GABRG3: variants seen among roughly 807,000 people sequenced by gnomAD.
GABRG3 encodes gamma-aminobutyric acid receptor subunit gamma-3.
A neutral mutation model predicts 48.8 loss-of-function variants in GABRG3; 25 were observed. That is an observed-to-expected ratio of 0.51 (90% confidence interval 0.37 to 0.72). The LOEUF (loss-of-function observed/expected upper bound fraction) is 0.72. Among genes scored for constraint, GABRG3 ranks in the 30% least tolerant of loss-of-function variants. GABRG3 has a pLI of 0.00. For missense variants in GABRG3, 394 were observed against 577.9 expected, an observed-to-expected ratio of 0.68 and a Z score of 3.26; for synonymous variants, 227 against 217.6, an observed-to-expected ratio of 1.04 and a Z score of -0.38.
chr15:27,107,670 T>C (rs1293904338), intron 3 of GABRG3, among the ~76,000 whole-genome samples: 2 of 151,986 alleles, frequency 1.3e-5, no homozygotes, highest in Non-Finnish European at 2.9e-5. Context: ...AATCTGGGCT[T>C]TGTTGTTTTT....
rs2140627879 is a variant in GABRG3 at position 26,971,251 on chromosome 15, C to T, written c.-285C>T. 1 of 151,584 alleles carries T rather than the reference C, an allele frequency of 6.6e-6. No individual in the cohort carries two copies. Among genetic ancestry groups the T allele is most frequent in the African/African-American group, 2.4e-5 (1 of 41,328 alleles). 9.4% of individuals were successfully genotyped at this position (151,584 alleles called of 1,614,324 possible). The stretch of plus-strand genomic sequence containing the variant: ...GCTCCAGGCGGGGTGGGCGGCGCCG[C>T]GCCAGGGGGTCCCCGGCGCCCATTG... On this transcript the variant is annotated 5_prime_UTR_variant, in exon 1 of 10. Transcript: ENST00000615808.
intron 5 of GABRG3, among the ~76,000 whole-genome samples, chr15:27,473,399 G>A (rs1233890284): frequency 6.6e-5 from 10 of 152,196 alleles, no homozygotes; most frequent in Admixed American, 2.6e-4. Flanking sequence ...ACAGGGGAAA[G>A]TGCTATGTAA....
intron 5 of GABRG3, among the ~76,000 whole-genome samples, chr15:27,420,977 C>T (rs1888095634): frequency 6.6e-6 from 1 of 152,162 alleles, no homozygotes; most frequent in Non-Finnish European, 1.5e-5. Context: ...TGTTTTGTGC[C>T]ACTCGAATTT....
chr15:26,999,463 G>A (rs959511079), intron 2 of GABRG3, among the ~76,000 whole-genome samples: 6 of 152,014 alleles, frequency 3.9e-5, no homozygotes, highest in South Asian at 2.1e-4. Flanking sequence ...AAGAATCTGC[G>A]GTCATAGTTT....
chr15:27,339,887 G>C (rs28653355), intron 5 of GABRG3, among the ~76,000 whole-genome samples: 1 of 151,944 alleles, frequency 6.6e-6, no homozygotes, highest in Non-Finnish European at 1.5e-5. Context: ...GTGACCCTGC[G>C]TGACTTGTAA....
At chr15:27,390,809 C>T (rs1896198507) in intron 5 of GABRG3, among the ~76,000 whole-genome samples, 1 of 152,156 alleles carries the variant, frequency 6.6e-6, no homozygotes, top group Admixed American at 6.5e-5. Context: ...CATAATCAGG[C>T]CGGGCACGGT....
At chr15:27,167,550 A>G (rs1887419627) in intron 3 of GABRG3, among the ~76,000 whole-genome samples, 1 of 152,182 alleles carries the variant, frequency 6.6e-6, no homozygotes, top group African/African-American at 2.4e-5. Flanking sequence ...AACTAATCAG[A>G]TTTTAAAAAT....
At chr15:27,063,062 C>T (rs1244777920) in intron 3 of GABRG3, among the ~76,000 whole-genome samples, 8 of 152,210 alleles carry the variant, frequency 5.3e-5, no homozygotes, top group African/African-American at 1.7e-4. Context: ...ATGCGTTTTC[C>T]CCCCCAATGA....
In GABRG3 at chr15:27,004,428, A is replaced by G. The variant is rs1487063114; in HGVS notation, c.203-22326A>G. On this transcript the variant is annotated intron_variant, in intron 2 of 9. Transcript: ENST00000615808. ...AGGCGCTCCTCACTTCCTAGATGGG[A>G]TGGCGGCCGGGCAGAGACGCTCCCC... Among the ~76,000 whole-genome samples the G allele has an allele frequency of 3.6e-5, 5 of 139,480 alleles. No homozygotes were observed. In the East Asian group the frequency reaches 1.1e-3, roughly 32 times the overall value. The allele number at this position is 139,480 out of a possible 152,430, so 91.5% of individuals were successfully genotyped here.
chr15:26,972,446 GTC>G (rs1894865043), intron 1 of GABRG3, among the ~76,000 whole-genome samples: 1 of 152,134 alleles, frequency 6.6e-6, no homozygotes, highest in South Asian at 2.1e-4. Context: ...CTTTAATTCT[GTC>G]TCTCTGGCTG....
chr15:27,000,307 C>A lies in GABRG3; in HGVS notation c.202+23157C>A, dbSNP rs1895419622. 2.0e-5 allele frequency among the ~76,000 whole-genome samples: 3 copies of A among 152,132 alleles called. No individual in the cohort carries two copies. In the South Asian group the frequency reaches 6.2e-4, roughly 32 times the overall value. ...GGTGTATAGTTGAGTTAGTTGGAAG[C>A]AGCTTGATTCTTTGAATCTTGTGGT... On this transcript the variant is annotated intron_variant, in intron 2 of 9. Coordinates refer to ENST00000615808, the MANE Select transcript of GABRG3 (RefSeq NM_033223.5).
intron 5 of GABRG3, among the ~76,000 whole-genome samples, chr15:27,412,321 GC>G (rs1250596020): frequency 6.6e-6 from 1 of 152,002 alleles, no homozygotes. Context: ...CACTCATGCT[GC>G]CCTTTTTTAA....
intron 3 of GABRG3, among the ~76,000 whole-genome samples, chr15:27,243,216 G>T (rs147880885): frequency 2.2e-4 from 33 of 152,272 alleles, no homozygotes; most frequent in African/African-American, 7.7e-4. Flanking sequence ...AAGAGGCAGG[G>T]TGTGTGTTTT....
intron 2 of GABRG3, among the ~76,000 whole-genome samples, chr15:27,006,995 A>T (rs991943615): frequency 6.6e-6 from 1 of 151,184 alleles, no homozygotes; most frequent in Admixed American, 6.6e-5. Context: ...CACACCACCA[A>T]TCCAGAGTTG....
chr15:27,220,415 G>A (rs923464939), intron 3 of GABRG3, among the ~76,000 whole-genome samples: 5 of 152,170 alleles, frequency 3.3e-5, no homozygotes, highest in Non-Finnish European at 7.4e-5. Flanking sequence ...TTATACCAGA[G>A]TCAGGTCACC....
At chr15:27,051,464 C>T (rs371489748) in intron 3 of GABRG3, among the ~76,000 whole-genome samples, 1 of 152,126 alleles carries the variant, frequency 6.6e-6, no homozygotes, top group South Asian at 2.1e-4. Context: ...AATCCTAACT[C>T]CCAAGGTGGT....
intron 2 of GABRG3, among the ~76,000 whole-genome samples, chr15:26,986,077 C>T (rs1478981789): frequency 6.6e-6 from 1 of 152,172 alleles, no homozygotes; most frequent in East Asian, 1.9e-4. Context: ...TTTCCTTCTC[C>T]ATGCACATCT....
chr15:27,228,573 A>G lies in GABRG3; in HGVS notation c.271-98236A>G, dbSNP rs940603522. ...TGGAATGATTTATATTCCTCTGGGTATATACCCAGTAATGGGATTGCTGCG... is the reference window on the plus strand; with the variant it reads ...TGGAATGATTTATATTCCTCTGGGTGTATACCCAGTAATGGGATTGCTGCG... On this transcript the variant is annotated intron_variant, in intron 3 of 9. Transcript: ENST00000615808. Among the ~76,000 whole-genome samples, 4 of 152,326 alleles carry G rather than the reference A, an allele frequency of 2.6e-5. No homozygotes were observed. The East Asian group carries it at 7.7e-4, about 29-fold the overall frequency.
At chr15:27,516,502 A>G (rs1468506331) in intron 6 of GABRG3, among the ~76,000 whole-genome samples, 2 of 152,202 alleles carry the variant, frequency 1.3e-5, no homozygotes, top group Admixed American at 1.3e-4. Flanking sequence ...GGGAGCTGCC[A>G]TGTTCTTACC....
Sources: allele counts gnomAD v4.1 joint callset (sites outside exome capture counted in the v4.1 genomes callset), GRCh38; gene constraint gnomAD v4.1.1; transcripts MANE v1.5; gene names NCBI Gene and HGNC (gene_info 2026-07-23, HGNC 2026-07-21).